Variants in TOR1A observed in about 807,000 individuals in gnomAD.
TOR1A encodes the protein torsin-1A.
In TOR1A, 18 loss-of-function variants were observed where a neutral mutation model predicts 31.4. That is an observed-to-expected ratio of 0.57 (90% CI 0.40 to 0.85). TOR1A has a LOEUF of 0.85. Ranked by LOEUF, TOR1A falls within the 40% of genes least tolerant of loss-of-function variation. The probability of loss-of-function intolerance (pLI) is 0.00; values close to 1 mark genes in which losing one functional copy is unlikely to be tolerated. For synonymous variants in TOR1A, 168 were observed against 165.9 expected (o/e 1.01, Z -0.10); for missense variants, 375 against 416.4 (o/e 0.90, Z 0.87).
rs766321035 is a variant in TOR1A, at chr9:129,814,000, G to A, written c.971C>T (p.Thr324Ile). The A allele has an allele frequency of 6.2e-7, 1 of 1,614,136 alleles. No homozygotes were observed. The highest frequency in any genetic ancestry group is 1.7e-5 in the Admixed American group (1 of 60,018). The part of the protein sequence containing the change: ...FSDKGCKTVF[T>I]KLDYYYDD ...ATCATCGTAGTAATAATCTAACTTG[G>A]TGAACACCGTTTTGCAGCCTTTATC... The change falls in exon 5 of 5, where the codon ACC (threonine) becomes ATC (isoleucine). Residue 324 changes from threonine to isoleucine, a missense_variant. Transcript: ENST00000351698.
intron 4 of TOR1A, among the ~76,000 whole-genome samples, chr9:129,816,469 C>T (rs1788067940): frequency 6.6e-6 from 1 of 152,230 alleles, no homozygotes; most frequent in South Asian, 2.1e-4. Context: ...TATCTATCCC[C>T]CATCATCTGA....
At position 129,818,567 on chromosome 9, in the gene TOR1A, T is replaced by C. The variant is rs1422159746; in HGVS notation, c.701A>G (p.Lys234Arg). The C allele has an allele frequency of 3.1e-6, 5 of 1,614,116 alleles. No individual in the cohort carries two copies. Among genetic ancestry groups the C allele is most frequent in the Non-Finnish European group, 4.2e-6 (5 of 1,180,050 alleles). Residue 234 changes from lysine (K) to arginine (R), a missense_variant, in exon 4 of 5, where the codon AAA (lysine) becomes AGA (arginine). Lys to Arg is a conservative substitution (Grantham distance 26). Coordinates refer to ENST00000351698, the MANE Select transcript of TOR1A (RefSeq NM_000113.3). The part of the protein sequence containing the change: ...SGKQREDIKL[K>R]DIEHALSVSV... ...CACAGACAACGCGTGTTCAATGTCTTTGAGCTTGATGTCTTCCCTCTGCTT... is the reference window on the plus strand; with the variant it reads ...CACAGACAACGCGTGTTCAATGTCTCTGAGCTTGATGTCTTCCCTCTGCTT...
At chr9:129,817,975 C>T (rs2031084172) in intron 4 of TOR1A, among the ~76,000 whole-genome samples, 1 of 152,066 alleles carries the variant, frequency 6.6e-6, no homozygotes, top group Non-Finnish European at 1.5e-5. Context: ...TGAGATCACA[C>T]CACTGGACTC....
chr9:129,818,859 A>G lies in TOR1A; in HGVS notation c.506T>C (p.Phe169Ser), dbSNP rs1588216830. 2 of 1,614,004 alleles carry G rather than the reference A, an allele frequency of 1.2e-6. No homozygotes were observed. The highest frequency in any genetic ancestry group is 1.7e-6 in the Non-Finnish European group (2 of 1,180,026). ...VSACARSIFIFDEMDKMHAGL... is the reference protein window; with the variant it reads ...VSACARSIFISDEMDKMHAGL... ...TGCATGCATCTTATCCATTTCATCA[A>G]ATATGAAGATGGACCTCGCACAGGC... is the stretch of plus-strand genomic sequence containing the variant. Residue 169 changes from phenylalanine (F) to serine (S), a missense_variant, in exon 3 of 5, where the codon TTT becomes TCT. Coordinates refer to ENST00000351698, the MANE Select transcript of TOR1A (RefSeq NM_000113.3).
In TOR1A at chr9:129,814,105, C is replaced by A; in HGVS notation, c.866G>T (p.Gly289Val). The A allele has an allele frequency of 6.2e-7, 1 of 1,614,192 alleles. No individual in the cohort carries two copies. Among genetic ancestry groups the A allele is most frequent in the Non-Finnish European group, 8.5e-7 (1 of 1,180,038 alleles). The stretch of plus-strand genomic sequence containing the variant: ...TACAATGTCTTCATCAATTTCATAG[C>A]CTCGGGACTGCATTTCCACTCGGAT... ...MCIRVEMQSR[G>V]YEIDEDIVSR... is the part of the protein sequence containing the mutation. Residue 289 changes from glycine to valine, a missense_variant, in exon 5 of 5, where the codon GGC becomes GTC. Transcript: ENST00000351698.
intron 2 of TOR1A, among the ~76,000 whole-genome samples, chr9:129,819,340 T>C (rs1295481899): frequency 1.3e-5 from 2 of 151,910 alleles, no homozygotes; most frequent in East Asian, 3.9e-4. Flanking sequence ...GGGGGTGGGG[T>C]CGGGCATGGT....
Position 129,813,537 on chromosome 9 carries a change from T to C in TOR1A, c.*435A>G, listed in dbSNP as rs1313515668. On this transcript the variant is annotated 3_prime_UTR_variant, in exon 5 of 5. Coordinates refer to ENST00000351698, the MANE Select transcript of TOR1A (RefSeq NM_000113.3). ...AGATACATCACAGTCTATGTAATAA[T>C]GATGAGAACTTAAAAAAAAACACAC... 6.6e-6 allele frequency: 2 copies of C among 301,104 alleles called. No homozygotes were observed. Among genetic ancestry groups the C allele is most frequent in the East Asian group, 9.4e-5 (1 of 10,692 alleles). 18.7% of individuals were successfully genotyped at this position (301,104 alleles called of 1,614,324 possible).
At chr9:129,820,673 C>T (rs375630113) in intron 2 of TOR1A, among the ~76,000 whole-genome samples, 1 of 152,112 alleles carries the variant, frequency 6.6e-6, no homozygotes, top group African/African-American at 2.4e-5. Context: ...CTGCTCACTG[C>T]AGCCTCGACC....
Position 129,813,813 on chromosome 9 carries a change from G to A in TOR1A, c.*159C>T, listed in dbSNP as rs2030959624. 2.6e-6 allele frequency: 3 copies of A among 1,171,322 alleles called. No individual in the cohort carries two copies. In the African/African-American group the frequency reaches 4.5e-5, roughly 18 times the overall value. 72.6% of individuals were successfully genotyped at this position (1,171,322 alleles called of 1,614,324 possible). A position where few individuals can be genotyped will look rare whatever the true frequency, so the allele number is the denominator to read the frequency against. On this transcript the variant is annotated 3_prime_UTR_variant, in exon 5 of 5. Coordinates refer to ENST00000351698, the MANE Select transcript of TOR1A (RefSeq NM_000113.3). ...TCCCTGGGTGGCCTGCAGGCACCAG[G>A]GGGTGGAAACAATGCCAGGGAGAAT... is the stretch of plus-strand genomic sequence containing the variant.
Position 129,814,011 on chromosome 9 carries a change from T to C in TOR1A, c.960A>G (p.Lys320=). 1 of 1,614,196 alleles carries C rather than the reference T, an allele frequency of 6.2e-7. No individual in the cohort carries two copies. Residue 320 remains lysine, a synonymous_variant, in exon 5 of 5, where the codon AAA becomes AAG. Transcript: ENST00000351698. The part of the protein sequence containing the change: ...EERVFSDKGC[K]TVFTKLDYYY... ...AATAATCTAACTTGGTGAACACCGT[T>C]TTGCAGCCTTTATCTGAGAAAACTC...
chr9:129,817,475 C>T (rs28533377), intron 4 of TOR1A, among the ~76,000 whole-genome samples: 8,330 of 151,280 alleles, frequency 0.055, 748 homozygotes, highest in African/African-American at 0.19. Context: ...CCGAGGCAGG[C>T]GGATCACGAG....
intron 4 of TOR1A, among the ~76,000 whole-genome samples, chr9:129,816,832 T>G (rs3780698): frequency 0.25 from 37,555 of 152,140 alleles, 4,690 homozygotes; most frequent in Middle Eastern, 0.29. Context: ...TACTTGTCTT[T>G]CCTCAGTAGT....
chr9:129,823,431 C>G, intron 1 of TOR1A: 1 of 280,898 alleles, frequency 3.6e-6, no homozygotes, highest in South Asian at 3.5e-5. Context: ...GGACTCAGCT[C>G]TGCCCAGGCC....
chr9:129,822,448 C>G lies in TOR1A; in HGVS notation c.444+133G>C, dbSNP rs2031206763. On this transcript the variant is annotated intron_variant, in intron 2 of 4. Coordinates refer to ENST00000351698, the MANE Select transcript of TOR1A (RefSeq NM_000113.3). Reference sequence around the variant, plus strand: ...TCAAACTCTTAACTTCTACACCTTTCCAAGGGGAACTGAGACATGAACCGT... The same window carrying G: ...TCAAACTCTTAACTTCTACACCTTTGCAAGGGGAACTGAGACATGAACCGT... 3.9e-6 allele frequency: 5 copies of G among 1,268,458 alleles called. No individual in the cohort carries two copies. In the East Asian group the frequency reaches 1.2e-4, roughly 31 times the overall value. The allele number at this position is 1,268,458 out of a possible 1,614,324, so 78.6% of individuals were successfully genotyped here. A position where few individuals can be genotyped will look rare whatever the true frequency, so the allele number is the denominator to read the frequency against.
At chr9:129,823,864 A>G in intron 1 of TOR1A, 44 bp downstream of exon 1, 6 of 1,512,342 alleles carry the variant, frequency 4.0e-6, no homozygotes, top group Non-Finnish European at 4.4e-6. Context: ...GCCATCGCCC[A>G]GCCCCAGCCC....
Position 129,822,041 on chromosome 9 carries a change from A to G in TOR1A, c.444+540T>C, listed in dbSNP as rs2031196265. 5 of 201,844 alleles carry G rather than the reference A, an allele frequency of 2.5e-5. No individual in the cohort carries two copies. In the South Asian group the frequency reaches 3.6e-4, roughly 15 times the overall value. The allele number at this position is 201,844 out of a possible 1,614,324, so 12.5% of individuals were successfully genotyped here. ...AGCACTTCGGGAAGCTGAGGCAGGC[A>G]CATCACCTGAGATCAGGAGTTCGAG... On this transcript the variant is annotated intron_variant, in intron 2 of 4. Transcript: ENST00000351698.
chr9:129,821,511 A>G (rs1356824148), intron 2 of TOR1A: 2 of 152,216 alleles, frequency 1.3e-5, no homozygotes, highest in African/African-American at 4.8e-5. Flanking sequence ...CAACTTTCCT[A>G]AGACTACGGA....
intron 2 of TOR1A, among the ~76,000 whole-genome samples, chr9:129,820,635 G>A (rs116088653): frequency 0.017 from 2,625 of 152,076 alleles, 78 homozygotes; most frequent in African/African-American, 0.06. Context: ...GTCTCACTCC[G>A]TCACCCAGGC....
intron 2 of TOR1A, among the ~76,000 whole-genome samples, chr9:129,819,327 A>AAAGGGGGTGG (rs1455463641): frequency 3.3e-5 from 5 of 152,162 alleles, no homozygotes; most frequent in African/African-American, 1.2e-4. Flanking sequence ...TTTTATTTAA[A>AAAGGGGGTGG]AAGGGGGTGG....
Sources: gnomAD v4.1 joint callset for allele counts (sites outside exome capture counted in the v4.1 genomes callset) on GRCh38, gnomAD v4.1.1 for gene constraint, MANE v1.5 for transcripts, NCBI Gene and HGNC (gene_info 2026-07-23, HGNC 2026-07-21) for gene names.